The following SPTBN2 variants were observed in gnomAD, a reference collection of about 807,000 sequenced individuals.
The protein encoded by SPTBN2 is spectrin beta chain, non-erythrocytic 2.
Under a neutral mutation model 284.2 loss-of-function variants are expected in SPTBN2, and 107 were observed. The ratio of observed to expected loss-of-function variants is 0.38; its 90% CI spans 0.32 to 0.44. The LOEUF is 0.44. Among genes scored for constraint, SPTBN2 ranks in the 20% least tolerant of loss-of-function variants. The pLI is 1.00. For synonymous variants in SPTBN2, 1,289 were observed against 1,354.8 expected, an observed-to-expected ratio of 0.95 and a Z score of 1.07; for missense variants, 2,569 against 3,287.1, an observed-to-expected ratio of 0.78 and a Z score of 5.34.
At chr11:66,732,121 C>T (rs1421503893), upstream of SPTBN2, among the ~76,000 whole-genome samples, 4 of 152,180 alleles carry the variant, frequency 2.6e-5, no homozygotes, top group African/African-American at 9.7e-5. Context: ...TAATACTTTA[C>T]ACATAACATT....
At chr11:66,735,047 A>C (rs1942842720) in intron 1 of SPTBN2, among the ~76,000 whole-genome samples, 1 of 152,170 alleles carries the variant, frequency 6.6e-6, no homozygotes, top group African/African-American at 2.4e-5. Flanking sequence ...AATCTACAGC[A>C]GAGAGCTGGG....
At position 66,691,946 on chromosome 11, in the gene SPTBN2, G is replaced by A. The variant is rs1396292210; in HGVS notation, c.5191-288C>T. ...GGTCCATATTTCTGTACGACTGAGG[G>A]TCCAAGCCCCCAAACTGTCGGGGGG... On this transcript the variant is annotated intron_variant, in intron 26 of 37. Transcript: ENST00000533211. The surrounding 1 kb of genome is among the most constrained non-coding windows in gnomAD (Gnocchi z 8.0). Among the ~76,000 whole-genome samples the A allele has an allele frequency of 6.6e-6, 1 of 152,136 alleles. No individual in the cohort carries two copies. The highest frequency in any genetic ancestry group is 1.9e-4 in the East Asian group (1 of 5,198).
At chr11:66,702,113 C>T (rs1784783374) in intron 15 of SPTBN2, among the ~76,000 whole-genome samples, 1 of 152,120 alleles carries the variant, frequency 6.6e-6, no homozygotes, top group Admixed American at 6.5e-5. Context: ...GAAGTAATAA[C>T]CAAAAATATT....
Position 66,694,277 on chromosome 11 carries a change from A to G in SPTBN2, c.4365T>C (p.Gly1455=). 6.2e-7 allele frequency: 1 copy of G among 1,614,138 alleles called. No homozygotes were observed. The highest frequency in any genetic ancestry group is 8.5e-7 in the Non-Finnish European group (1 of 1,180,020). Residue 1455 remains glycine, a synonymous_variant, in exon 22 of 38, where the codon GGT becomes GGC. Transcript: ENST00000533211. ...TCGAGGTTCTCTCCACCTCCCCTGCACCCTGGTCCTCCTGGGCCAGTGCTT... is the reference window on the plus strand; with the variant it reads ...TCGAGGTTCTCTCCACCTCCCCTGCGCCCTGGTCCTCCTGGGCCAGTGCTT... The part of the protein sequence containing the change: ...QAKALAQEDQ[G]AGEVERTSRA...
At chr11:66,730,748 A>G (rs934818590), upstream of SPTBN2, among the ~76,000 whole-genome samples, 1 of 152,206 alleles carries the variant, frequency 6.6e-6, no homozygotes, top group African/African-American at 2.4e-5. Context: ...TAGCAAAATA[A>G]TATCTTTTAT....
At chr11:66,716,086 G>T (rs1942132145) in intron 3 of SPTBN2, 105 bp from the exon 4 acceptor site, 10 of 1,500,196 alleles carry the variant, frequency 6.7e-6, no homozygotes, top group Middle Eastern at 2.3e-4. Context: ...GAGATGGGAA[G>T]CGGGGTCCTC....
chr11:66,728,391 C>T (rs1942717494), intron 1 of SPTBN2: 1 of 147,608 alleles, frequency 6.8e-6, no homozygotes, highest in South Asian at 1.9e-4. Context: ...GACTGCGGCG[C>T]CGCGGAAGGA....
intron 1 of SPTBN2, among the ~76,000 whole-genome samples, chr11:66,736,812 A>T (rs1341147362): frequency 6.6e-6 from 1 of 152,226 alleles, no homozygotes; most frequent in African/African-American, 2.4e-5. Context: ...TAGACATTTG[A>T]GGTCAGTTTT....
At chr11:66,686,967 C>T in intron 36 of SPTBN2, 27 bp downstream of exon 36, 1 of 1,613,360 alleles carries the variant, frequency 6.2e-7, no homozygotes, top group Non-Finnish European at 8.5e-7. Flanking sequence ...CTCCTCCCAT[C>T]CCGAGAGCAC....
intron 1 of SPTBN2, among the ~76,000 whole-genome samples, chr11:66,742,396 G>A (rs1344218033): frequency 6.6e-6 from 1 of 152,088 alleles, no homozygotes; most frequent in East Asian, 1.9e-4. Context: ...GGACAGCTGT[G>A]TCCCTGGCTA....
Position 66,690,230 on chromosome 11 carries a change from G to C in SPTBN2, c.5619C>G (p.Asp1873Glu). 1 of 1,613,414 alleles carries C rather than the reference G, an allele frequency of 6.2e-7. No homozygotes were observed. The highest frequency in any genetic ancestry group is 8.5e-7 in the Non-Finnish European group (1 of 1,179,724). ...GHRLQKAYAG[D>E]KAEEIGRHMQ... ...TGTGGCGGCCGATCTCCTCAGCCTT[G>C]TCTCCAGCGTAGGCCTTCTGGAGCC... is the stretch of plus-strand genomic sequence containing the variant. The change falls in exon 28 of 38, where the codon GAC becomes GAG. Residue 1873 changes from aspartate to glutamate, a missense_variant. Transcript: ENST00000533211.
At chr11:66,699,364 TC>T in intron 18 of SPTBN2, 41 bp downstream of exon 18, 1 of 1,606,470 alleles carries the variant, frequency 6.2e-7, no homozygotes, top group East Asian at 2.2e-5. Flanking sequence ...TTTCTCCGAT[TC>T]CCCCCTGGGA....
chr11:66,715,708 G>T lies in SPTBN2; in HGVS notation c.309+122C>A. Reference sequence around the variant, plus strand: ...GGCACTTGAAATGAACCCATCCTCTGAGCAGAGGGAGCCACTGCTTCCCGC... The same window carrying T: ...GGCACTTGAAATGAACCCATCCTCTTAGCAGAGGGAGCCACTGCTTCCCGC... On this transcript the variant is annotated intron_variant, in intron 4 of 37. Transcript: ENST00000533211. The surrounding 1 kb of genome is among the most constrained non-coding windows in gnomAD (Gnocchi z 5.3). 1 of 1,361,916 alleles carries T rather than the reference G, an allele frequency of 7.3e-7. No individual in the cohort carries two copies. Among genetic ancestry groups the T allele is most frequent in the South Asian group, 1.2e-5 (1 of 80,354 alleles). The allele number at this position is 1,361,916 out of a possible 1,614,324, so 84.4% of individuals were successfully genotyped here.
Position 66,692,701 on chromosome 11 carries a change from C to A in SPTBN2, c.5025G>T (p.Leu1675=). Residue 1675 remains leucine, a synonymous_variant, in exon 26 of 38, where the codon CTG becomes CTT. Transcript: ENST00000533211. The part of the protein sequence containing the change: ...ISIRQAQVDK[L]YAGLKELAGE... Reference sequence around the variant, plus strand: ...CAGCCAGCTCCTTCAGGCCGGCATACAGCTTGTCCACCTGGGCTTGGCGGA... The same window carrying A: ...CAGCCAGCTCCTTCAGGCCGGCATAAAGCTTGTCCACCTGGGCTTGGCGGA... 1 of 1,604,126 alleles carries A rather than the reference C, an allele frequency of 6.2e-7. No individual in the cohort carries two copies. The highest frequency in any genetic ancestry group is 8.5e-7 in the Non-Finnish European group (1 of 1,179,956).
At chr11:66,722,483 G>A (rs1317159101) in intron 1 of SPTBN2, among the ~76,000 whole-genome samples, 2 of 150,018 alleles carry the variant, frequency 1.3e-5, no homozygotes, top group African/African-American at 4.9e-5. Context: ...GGCTGAGGCA[G>A]GAGAATGGCG....
chr11:66,688,440 T>C, intron 31 of SPTBN2, 129 bp from the exon 32 acceptor site: 2 of 1,529,132 alleles, frequency 1.3e-6, no homozygotes, highest in Admixed American at 2.0e-5. Flanking sequence ...TTTGAGAAGA[T>C]GGTGGGGACA....
Position 66,699,463 on chromosome 11 carries a change from G to A in SPTBN2, c.3719C>T (p.Ser1240Phe), listed in dbSNP as rs1051562696. 3 of 1,614,122 alleles carry A rather than the reference G, an allele frequency of 1.9e-6. No individual in the cohort carries two copies. Among genetic ancestry groups the A allele is most frequent in the Non-Finnish European group, 2.5e-6 (3 of 1,180,022 alleles). ...GLLEAGRQLV[S>F]EGNIHADKIR... ...CTTGTCGGCGTGGATGTTGCCTTCA[G>A]ATACCAGCTGGCGGCCAGCCTCCAG... The change falls in exon 18 of 38, where the codon TCT (serine) becomes TTT (phenylalanine). Residue 1240 changes from serine (S) to phenylalanine (F), a missense_variant. Physicochemically the swap from Ser to Phe is radical, Grantham distance 155. This residue lies in a region of SPTBN2 where 1,012 missense variants were observed against 1,248.9 expected (regional missense o/e 0.81). Transcript: ENST00000533211.
Position 66,713,752 on chromosome 11 carries a change from T to C in SPTBN2, c.657-6A>G, listed in dbSNP as rs776222406. ...CAAAATCCAGCAGGTCTGGCCTGGG[T>C]GGGGAGGCAAGACAGAAGGGATCAG... On this transcript the variant is annotated splice_region_variant and splice_polypyrimidine_tract_variant and intron_variant, in intron 7 of 37. Coordinates refer to ENST00000533211, the MANE Select transcript of SPTBN2 (RefSeq NM_006946.4). 1 of 1,600,754 alleles carries C rather than the reference T, an allele frequency of 6.2e-7. No homozygotes were observed. The highest frequency in any genetic ancestry group is 8.6e-7 in the Non-Finnish European group (1 of 1,168,080).
chr11:66,704,262 G>A (rs34629385), intron 15 of SPTBN2, among the ~76,000 whole-genome samples: 6,132 of 152,138 alleles, frequency 0.04, 179 homozygotes, highest in Middle Eastern at 0.11. Context: ...GTGAGCCACC[G>A]TGCCCGGCCG....
Sources: gnomAD v4.1 joint callset for allele counts (sites outside exome capture counted in the v4.1 genomes callset) on GRCh38, gnomAD v4.1.1 for gene constraint, gnomAD v4.1.1 regional missense constraint, Gnocchi (gnomAD v3.1) non-coding constraint, MANE v1.5 for transcripts, NCBI Gene and HGNC (gene_info 2026-07-23, HGNC 2026-07-21) for gene names.